The following CCDC150 variants were observed in gnomAD, a reference collection of about 807,000 sequenced individuals.
CCDC150 encodes coiled-coil domain containing 150.
In CCDC150, 151 loss-of-function variants were observed where a neutral mutation model predicts 156.5. The observed-to-expected ratio is 0.97, with a 90% CI of 0.85 to 1.10. CCDC150 has a LOEUF of 1.10. Ranked by LOEUF, CCDC150 falls within the 50% of genes least tolerant of loss-of-function variation. CCDC150 has a pLI of 0.00. For missense variants in CCDC150, 1,312 were observed against 1,268.1 expected (o/e 1.03, Z -0.53); for synonymous variants, 452 against 429.4 (o/e 1.05, Z -0.65).
chr2:196,676,215 A>G lies in CCDC150; in HGVS notation c.1210A>G (p.Thr404Ala), dbSNP rs201527940. The G allele has an allele frequency of 4.7e-5, 76 of 1,613,656 alleles. No homozygotes were observed. Among genetic ancestry groups the G allele is most frequent in the Non-Finnish European group, 8.5e-6 (10 of 1,179,696 alleles). The change falls in exon 11 of 28, where the codon ACA (threonine) becomes GCA (alanine). Residue 404 changes from threonine (T) to alanine (A), a missense_variant. Thr to Ala is a moderately conservative substitution (Grantham distance 58). Transcript: ENST00000389175. ...GCTGGATGCAGCCCATGCCAGTATC[A>G]CAAATGAACTACAGACTGTTCAGAA... ...LLLDAAHASI[T>A]NELQTVQNEK...
At chr2:196,660,532 G>A (rs1693500259) in intron 5 of CCDC150, among the ~76,000 whole-genome samples, 1 of 152,152 alleles carries the variant, frequency 6.6e-6, no homozygotes. Context: ...GTGGCATCCT[G>A]TTTTGATTTG....
chr2:196,730,209 T>C, intron 25 of CCDC150, 91 bp downstream of exon 25: 1 of 1,100,980 alleles, frequency 9.1e-7, no homozygotes. Flanking sequence ...TTCTAGAGTC[T>C]ACAGAAGACA....
At position 196,677,274 on chromosome 2, in the gene CCDC150, T is replaced by C. The variant is rs755254976; in HGVS notation, c.1441-19T>C. ...ATAAAATTGACCTATTCCTTTTTTT[T>C]CCCATCCTCCTTGGGCAGGTTAATA... On this transcript the variant is annotated intron_variant, in intron 12 of 27. Coordinates refer to ENST00000389175, the MANE Select transcript of CCDC150 (RefSeq NM_001080539.2). The C allele has an allele frequency of 2.9e-5, 45 of 1,543,786 alleles. No individual in the cohort carries two copies. Among genetic ancestry groups the C allele is most frequent in the Non-Finnish European group, 3.8e-5 (43 of 1,136,570 alleles).
In CCDC150 at chr2:196,726,052, A is replaced by G; in HGVS notation, c.2509A>G (p.Thr837Ala). 4 of 1,612,734 alleles carry G rather than the reference A, an allele frequency of 2.5e-6. No homozygotes were observed. The highest frequency in any genetic ancestry group is 3.4e-6 in the Non-Finnish European group (4 of 1,179,342). ...AGAAGCTCTAAGAAAGCAGTTTCAA[A>G]CCGAGAGAGAAACTACAAAGAAAGT... ...RIEALRKQFQ[T>A]ERETTKKVAQ... Residue 837 changes from threonine (T) to alanine (A), a missense_variant, in exon 22 of 28, where the codon ACC becomes GCC. Transcript: ENST00000389175.
At chr2:196,690,456 A>G (rs970886160) in intron 13 of CCDC150, among the ~76,000 whole-genome samples, 1 of 152,186 alleles carries the variant, frequency 6.6e-6, no homozygotes, top group Admixed American at 6.5e-5. Context: ...AAATTCATAT[A>G]TGTAATTTAA....
chr2:196,727,726 C>G (rs1259604050), intron 22 of CCDC150: 1 of 151,924 alleles, frequency 6.6e-6, no homozygotes, highest in Non-Finnish European at 1.5e-5. Flanking sequence ...GTTAAGAATA[C>G]TTACAGCCGG....
At chr2:196,678,951 T>A (rs1268000455) in intron 13 of CCDC150, among the ~76,000 whole-genome samples, 2 of 152,176 alleles carry the variant, frequency 1.3e-5, no homozygotes, top group Admixed American at 1.3e-4. Flanking sequence ...TGAATATGTT[T>A]GAGATAAAAA....
chr2:196,681,855 G>A (rs1392736489), intron 13 of CCDC150, among the ~76,000 whole-genome samples: 1 of 151,990 alleles, frequency 6.6e-6, no homozygotes, highest in East Asian at 1.9e-4. Context: ...ACATATTTTA[G>A]ATACTACAAC....
rs1694534825 is a variant in CCDC150, at chr2:196,676,846, G to A, written c.1440+115G>A. 3.2e-6 allele frequency: 3 copies of A among 944,436 alleles called. No individual in the cohort carries two copies. The African/African-American group carries it at 4.9e-5, about 16-fold the overall frequency. The allele number at this position is 944,436 out of a possible 1,614,324, so 58.5% of individuals were successfully genotyped here. A position where few individuals can be genotyped will look rare whatever the true frequency, so the allele number is the denominator to read the frequency against. ...TAAAACCCAGATGCAGTTTGTCTGAGTTGCCCAGTAAAGAATCTTTAGGTG... is the reference window on the plus strand; with the variant it reads ...TAAAACCCAGATGCAGTTTGTCTGAATTGCCCAGTAAAGAATCTTTAGGTG... On this transcript the variant is annotated intron_variant, in intron 12 of 27. Transcript: ENST00000389175.
intron 22 of CCDC150, 58 bp from the exon 23 acceptor site, chr2:196,729,135 A>C: frequency 1.1e-5 from 15 of 1,427,332 alleles, no homozygotes; most frequent in Non-Finnish European, 1.4e-5. Flanking sequence ...GACAAAACTA[A>C]GTAAGCTTCT....
At chr2:196,719,358 T>C (rs1238823322) in intron 18 of CCDC150, 139 bp from the exon 19 acceptor site, 12 of 587,180 alleles carry the variant, frequency 2.0e-5, no homozygotes, top group Non-Finnish European at 3.0e-5. Context: ...AAATAAAATA[T>C]ACTTTAATTA....
intron 4 of CCDC150, among the ~76,000 whole-genome samples, chr2:196,658,248 T>C (rs80292917): frequency 0.091 from 13,740 of 151,820 alleles, 780 homozygotes; most frequent in African/African-American, 0.17. Flanking sequence ...GAAAGAGGAA[T>C]GTTCTGTAAA....
intron 1 of CCDC150, among the ~76,000 whole-genome samples, chr2:196,640,007 A>T (rs1237766146): frequency 1.3e-5 from 2 of 152,180 alleles, no homozygotes; most frequent in Non-Finnish European, 2.9e-5. Context: ...GGGATGGGAG[A>T]TAGCCACCGA....
rs191897381 is a variant in CCDC150 at position 196,668,402 on chromosome 2, T to C, written c.893-1431T>C. Among the ~76,000 whole-genome samples the C allele has an allele frequency of 2.4e-3, 360 of 152,032 alleles. 2 individuals carry two copies. The highest frequency in any genetic ancestry group is 8.4e-3 in the African/African-American group (349 of 41,468). ...CTGGGCCTAAAACAGGTATCTATTATATTAGTTGGCCCTCTGAATTTTTAT... is the reference window on the plus strand; with the variant it reads ...CTGGGCCTAAAACAGGTATCTATTACATTAGTTGGCCCTCTGAATTTTTAT... On this transcript the variant is annotated intron_variant, in intron 7 of 27. Coordinates refer to ENST00000389175, the MANE Select transcript of CCDC150 (RefSeq NM_001080539.2).
intron 19 of CCDC150, chr2:196,720,122 A>G (rs751413968): frequency 6.8e-5 from 28 of 409,014 alleles, no homozygotes; most frequent in Non-Finnish European, 1.3e-4. Flanking sequence ...CATGTTTTAT[A>G]AGTAAATTCC....
chr2:196,725,340 G>C (rs1413387933), intron 21 of CCDC150, among the ~76,000 whole-genome samples: 1 of 152,114 alleles, frequency 6.6e-6, no homozygotes, highest in African/African-American at 2.4e-5. Context: ...CCTTTTAAAA[G>C]TCAGAAGCTA....
intron 13 of CCDC150, among the ~76,000 whole-genome samples, chr2:196,692,731 T>C (rs1227003185): frequency 2.0e-5 from 3 of 152,236 alleles, no homozygotes; most frequent in Non-Finnish European, 4.4e-5. Flanking sequence ...GAGGAGTGTT[T>C]TGCTTCCAAT....
intron 20 of CCDC150, 87 bp from the exon 21 acceptor site, chr2:196,721,435 T>C: frequency 1.0e-6 from 1 of 1,002,486 alleles, no homozygotes; most frequent in South Asian, 2.8e-5. Context: ...TACTTGATGA[T>C]AGAATGTGAG....
chr2:196,693,413 T>C (rs922558451), intron 13 of CCDC150, among the ~76,000 whole-genome samples: 2 of 152,238 alleles, frequency 1.3e-5, no homozygotes, highest in African/African-American at 4.8e-5. Flanking sequence ...TTCATAGTAT[T>C]AGTACTGTTT....
Sources: gnomAD v4.1 joint callset for allele counts (sites outside exome capture counted in the v4.1 genomes callset) on GRCh38, gnomAD v4.1.1 for gene constraint, MANE v1.5 for transcripts, NCBI Gene and HGNC (gene_info 2026-07-23, HGNC 2026-07-21) for gene names.